Variants in CNTNAP2 observed in about 807,000 individuals in gnomAD.
The protein encoded by CNTNAP2 is contactin-associated protein-like 2.
In CNTNAP2, 98 loss-of-function variants were observed where a neutral mutation model predicts 155.2. That is an observed-to-expected ratio of 0.63 (90% CI 0.54 to 0.75). The LOEUF (loss-of-function observed/expected upper bound fraction) is 0.75, where lower values mean the gene tolerates loss of function less well. Ranked by LOEUF, CNTNAP2 falls within the 30% of genes least tolerant of loss-of-function variation. The probability of loss-of-function intolerance (pLI) is 0.00; values close to 1 mark genes in which losing one functional copy is unlikely to be tolerated. For synonymous variants in CNTNAP2, 651 were observed against 631.2 expected, an observed-to-expected ratio of 1.03 and a Z score of -0.47; for missense variants, 1,727 against 1,688.1, an observed-to-expected ratio of 1.02 and a Z score of -0.40.
chr7:146,275,722 C>T (rs545238575), intron 1 of CNTNAP2, among the ~76,000 whole-genome samples: 2 of 152,296 alleles, frequency 1.3e-5, no homozygotes, highest in African/African-American at 4.8e-5. Flanking sequence ...CTGGCAACCA[C>T]AAGAATGCGA....
At chr7:147,873,041 G>C (rs1052050507) in intron 13 of CNTNAP2, among the ~76,000 whole-genome samples, 3 of 152,092 alleles carry the variant, frequency 2.0e-5, no homozygotes, top group Non-Finnish European at 2.9e-5. Context: ...TTTGGCATTA[G>C]GTCACCAATA....
chr7:146,774,599 C>T (rs1276985309), intron 2 of CNTNAP2, among the ~76,000 whole-genome samples: 1 of 151,880 alleles, frequency 6.6e-6, no homozygotes, highest in African/African-American at 2.4e-5. Context: ...AGAGATAGTA[C>T]GTCAAAAAGG....
intron 10 of CNTNAP2, among the ~76,000 whole-genome samples, chr7:147,464,176 A>G (rs1405643074): frequency 6.6e-6 from 1 of 152,088 alleles, no homozygotes; most frequent in Non-Finnish European, 1.5e-5. Flanking sequence ...GTGGCATTAA[A>G]AAGTACTAGG....
At chr7:148,207,961 G>A (rs1177878102) in intron 18 of CNTNAP2, among the ~76,000 whole-genome samples, 2 of 152,108 alleles carry the variant, frequency 1.3e-5, no homozygotes, top group African/African-American at 4.8e-5. Flanking sequence ...GGTGGCGGGG[G>A]CCTGTAGTCC....
Position 147,951,073 on chromosome 7 carries a change from G to T in CNTNAP2, c.2256-26789G>T, listed in dbSNP as rs200086662. 4.6e-5 allele frequency among the ~76,000 whole-genome samples: 7 copies of T among 152,242 alleles called. No individual in the cohort carries two copies. In the East Asian group the frequency reaches 1.4e-3, roughly 29 times the overall value. On this transcript the variant is annotated intron_variant, in intron 14 of 23. Coordinates refer to ENST00000361727, the MANE Select transcript of CNTNAP2 (RefSeq NM_014141.6). ...GAATTCCCATGTCCATTTAAAATCT[G>T]TATACTCCTATCTTGGTAATTATCT... is the stretch of plus-strand genomic sequence containing the variant.
chr7:147,521,803 T>C (rs151145402), intron 11 of CNTNAP2, among the ~76,000 whole-genome samples: 157 of 152,256 alleles, frequency 1.0e-3, no homozygotes, highest in African/African-American at 3.4e-3. Context: ...TATGAGGCTT[T>C]CTTGAATATG....
chr7:147,941,098 T>G (rs534183964), intron 14 of CNTNAP2, among the ~76,000 whole-genome samples: 1 of 152,248 alleles, frequency 6.6e-6, no homozygotes, highest in East Asian at 1.9e-4. Context: ...GTGGCCACAG[T>G]CTGGCGCTGA....
intron 2 of CNTNAP2, among the ~76,000 whole-genome samples, chr7:146,827,186 C>T (rs1803421894): frequency 6.6e-6 from 1 of 151,632 alleles, no homozygotes; most frequent in Admixed American, 6.6e-5. Flanking sequence ...ATATTGAGTG[C>T]CTATTATGTC....
chr7:148,267,186 T>C, intron 21 of CNTNAP2, 60 bp downstream of exon 21: 1 of 1,445,726 alleles, frequency 6.9e-7, no homozygotes, highest in Non-Finnish European at 9.7e-7. Flanking sequence ...GTAATGTGAG[T>C]TTGGATTTTA....
At chr7:147,726,722 C>A (rs564810343) in intron 13 of CNTNAP2, among the ~76,000 whole-genome samples, 24 of 152,030 alleles carry the variant, frequency 1.6e-4, no homozygotes, top group African/African-American at 5.5e-4. Flanking sequence ...CAACTAAATA[C>A]ATGATTTAAT....
intron 3 of CNTNAP2, among the ~76,000 whole-genome samples, chr7:146,845,046 T>A (rs1301527587): frequency 2.0e-5 from 3 of 152,182 alleles, no homozygotes; most frequent in Non-Finnish European, 4.4e-5. Flanking sequence ...CTAGATCTCC[T>A]TGTCACATAT....
intron 3 of CNTNAP2, among the ~76,000 whole-genome samples, chr7:146,862,143 C>T (rs1310679337): frequency 6.6e-6 from 1 of 152,120 alleles, no homozygotes; most frequent in Non-Finnish European, 1.5e-5. Flanking sequence ...AGGACTTTTT[C>T]CACCTGCCAG....
At chr7:146,420,566 C>G (rs1021617147) in intron 1 of CNTNAP2, among the ~76,000 whole-genome samples, 4 of 152,018 alleles carry the variant, frequency 2.6e-5, no homozygotes, top group Admixed American at 1.3e-4. Context: ...TGGCAGTACA[C>G]CTGCAAGAAG....
chr7:148,034,206 T>C (rs923318119), intron 15 of CNTNAP2, among the ~76,000 whole-genome samples: 1 of 152,250 alleles, frequency 6.6e-6, no homozygotes, highest in African/African-American at 2.4e-5. Flanking sequence ...TAGAATTTCC[T>C]GTGTGTAGCA....
chr7:148,217,674 C>A, intron 19 of CNTNAP2, 150 bp downstream of exon 19: 1 of 860,798 alleles, frequency 1.2e-6, no homozygotes, highest in Non-Finnish European at 1.9e-6. Context: ...CCATTTCTCT[C>A]CATGAATATC....
At chr7:146,469,518 CTTTTTTTTTTTTT>C (rs544057518) in intron 1 of CNTNAP2, among the ~76,000 whole-genome samples, 11 of 129,062 alleles carry the variant, frequency 8.5e-5, no homozygotes, top group Non-Finnish European at 1.5e-4. Context: ...TAATAATTGA[CTTTTTTTTTTTTT>C]TTTTTTTTTA....
At chr7:147,425,831 TCA>T (rs923630291) in intron 10 of CNTNAP2, among the ~76,000 whole-genome samples, 4 of 152,190 alleles carry the variant, frequency 2.6e-5, no homozygotes, top group African/African-American at 9.6e-5. Context: ...GTTCTGATTC[TCA>T]GTTTAACACG....
Position 146,774,374 on chromosome 7 carries a change from G to C in CNTNAP2, c.201G>C (p.Lys67Asn). The change falls in exon 2 of 24, where the codon AAG becomes AAC. Residue 67 changes from lysine to asparagine, a missense_variant. Coordinates refer to ENST00000361727, the MANE Select transcript of CNTNAP2 (RefSeq NM_014141.6). ...SYSPGYAKINKRGGAGGWSPS... is the reference protein window; with the variant it reads ...SYSPGYAKINNRGGAGGWSPS... ...CTCCCGGCTATGCCAAGATAAACAA[G>C]AGAGGAGGTAAGCCAAATTTTGATT... 1.2e-6 allele frequency: 2 copies of C among 1,613,426 alleles called. No homozygotes were observed. Among genetic ancestry groups the C allele is most frequent in the Non-Finnish European group, 1.7e-6 (2 of 1,179,668 alleles).
chr7:148,311,415 A>T (rs1217591102), intron 21 of CNTNAP2, among the ~76,000 whole-genome samples: 1 of 147,656 alleles, frequency 6.8e-6, no homozygotes, highest in African/African-American at 2.7e-5. Flanking sequence ...CGTGGTGGAG[A>T]TAGCTGGGGA....
Sources: allele counts gnomAD v4.1 joint callset (sites outside exome capture counted in the v4.1 genomes callset), GRCh38; gene constraint gnomAD v4.1.1; transcripts MANE v1.5; gene names NCBI Gene and HGNC (gene_info 2026-07-23, HGNC 2026-07-21).